The following EML4 variants were observed in gnomAD, a reference collection of about 807,000 sequenced individuals.
EML4 encodes echinoderm microtubule-associated protein-like 4.
EML4 carries 72 observed loss-of-function variants against 129.0 expected under a neutral mutation model. That is an observed-to-expected ratio of 0.56 (90% CI 0.46 to 0.68). EML4 has a LOEUF of 0.68. Among genes scored for constraint, EML4 ranks in the 30% least tolerant of loss-of-function variants. The pLI is 0.00. For synonymous variants in EML4, 532 were observed against 405.0 expected (o/e 1.31, Z -3.77); for missense variants, 1,363 against 1,190.6 (o/e 1.14, Z -2.13).
intron 1 of EML4, among the ~76,000 whole-genome samples, chr2:42,212,068 G>A (rs899729206): frequency 2.0e-5 from 3 of 151,948 alleles, no homozygotes; most frequent in Admixed American, 1.3e-4. Context: ...CTGGTCTTGA[G>A]CTCCTGACCT....
chr2:42,214,726 G>A (rs537495461), intron 1 of EML4, among the ~76,000 whole-genome samples: 4 of 152,246 alleles, frequency 2.6e-5, no homozygotes, highest in South Asian at 2.1e-4. Flanking sequence ...TGCGTTAGCC[G>A]GGATGGCTGG....
chr2:42,181,144 G>A (rs1181524865), intron 1 of EML4, among the ~76,000 whole-genome samples: 2 of 152,140 alleles, frequency 1.3e-5, no homozygotes, highest in Non-Finnish European at 2.9e-5. Context: ...TTTAGTAATT[G>A]CAAAATTATT....
At chr2:42,256,406 C>T in intron 2 of EML4, 95 bp from the exon 3 acceptor site, 2 of 1,250,160 alleles carry the variant, frequency 1.6e-6, no homozygotes, top group East Asian at 2.6e-5. Context: ...TTTTTTTCTA[C>T]CACCCCCTCC....
At chr2:42,198,494 C>T (rs62144749) in intron 1 of EML4, among the ~76,000 whole-genome samples, 4,815 of 152,144 alleles carry the variant, frequency 0.032, 98 homozygotes, top group Non-Finnish European at 0.048. Context: ...TGCTTGAGAC[C>T]AGGAGTTCAA....
chr2:42,261,597 G>T, intron 4 of EML4: 1 of 214,504 alleles, frequency 4.7e-6, no homozygotes, highest in Non-Finnish European at 9.2e-6. Context: ...CCACATTTTT[G>T]AATACTTTTA....
At chr2:42,237,553 C>G (rs1280956962) in intron 1 of EML4, among the ~76,000 whole-genome samples, 2 of 151,980 alleles carry the variant, frequency 1.3e-5, no homozygotes, top group African/African-American at 4.8e-5. Flanking sequence ...GTTTGGGGTG[C>G]CAACTCCCTC....
chr2:42,294,888 C>A (rs950588909), intron 11 of EML4, among the ~76,000 whole-genome samples: 2 of 152,104 alleles, frequency 1.3e-5, no homozygotes, highest in South Asian at 4.1e-4. Context: ...ATATAAGTGT[C>A]TTTCTAATGC....
intron 18 of EML4, 151 bp downstream of exon 18, chr2:42,316,201 T>C (rs1247013479): frequency 2.0e-6 from 1 of 493,142 alleles, no homozygotes; most frequent in Non-Finnish European, 3.6e-6. Flanking sequence ...AATTAAATTC[T>C]GCTGCCAGAA....
Position 42,261,221 on chromosome 2 carries a change from C to A in EML4, c.439C>A (p.Pro147Thr). 6.2e-7 allele frequency: 1 copy of A among 1,614,038 alleles called. No homozygotes were observed. The highest frequency in any genetic ancestry group is 8.5e-7 in the Non-Finnish European group (1 of 1,179,970). Residue 147 changes from proline (P) to threonine (T), a missense_variant, in exon 4 of 23, where the codon CCC becomes ACC. Pro to Thr is a conservative substitution (Grantham distance 38). Coordinates refer to ENST00000318522, the MANE Select transcript of EML4 (RefSeq NM_019063.5). ...TCCACAAATTCGAGCATCACCTTCT[C>A]CCCAGCCCTCTTCACAACCTCTCCA... is the stretch of plus-strand genomic sequence containing the variant. Reference protein sequence around the residue: ...QSPQIRASPSPQPSSQPLQIH... With the variant: ...QSPQIRASPSTQPSSQPLQIH...
chr2:42,286,420 A>G (rs770495221), intron 10 of EML4, 41 bp downstream of exon 10: 10 of 1,220,328 alleles, frequency 8.2e-6, no homozygotes, highest in Non-Finnish European at 1.1e-5. Flanking sequence ...GCTGAACAAA[A>G]AAGCAGGAAA....
rs769066378 is a variant in EML4 at position 42,331,775 on chromosome 2, T to C, written c.*1568T>C. ...CTCCCAAGGACATTTACAACATTTA[T>C]ATTCACACGCTGTATGGAAGGGTGT... On this transcript the variant is annotated 3_prime_UTR_variant, in exon 23 of 23. Transcript: ENST00000318522. The C allele has an allele frequency of 4.1e-5, 9 of 221,412 alleles. No individual in the cohort carries two copies. Among genetic ancestry groups the C allele is most frequent in the Non-Finnish European group, 8.2e-5 (9 of 110,396 alleles). 13.7% of individuals were successfully genotyped at this position (221,412 alleles called of 1,614,324 possible).
At chr2:42,226,375 A>G (rs1234973312) in intron 1 of EML4, among the ~76,000 whole-genome samples, 5 of 152,032 alleles carry the variant, frequency 3.3e-5, no homozygotes, top group Admixed American at 3.3e-4. Flanking sequence ...AAAATAAATT[A>G]TGGGCCGGGC....
At chr2:42,237,186 C>T (rs1307568051) in intron 1 of EML4, among the ~76,000 whole-genome samples, 3 of 152,230 alleles carry the variant, frequency 2.0e-5, no homozygotes, top group Non-Finnish European at 4.4e-5. Context: ...CCTCCTCCCT[C>T]GGCCTCCTAA....
chr2:42,317,608 T>A, intron 19 of EML4, 84 bp downstream of exon 19: 1 of 873,636 alleles, frequency 1.1e-6, no homozygotes, highest in Non-Finnish European at 1.8e-6. Context: ...GATGTGTGTG[T>A]TGTTTCCTGT....
intron 19 of EML4, 97 bp from the exon 20 acceptor site, chr2:42,325,370 A>G (rs1669730456): frequency 1.6e-6 from 1 of 624,380 alleles, no homozygotes; most frequent in Non-Finnish European, 3.0e-6. Flanking sequence ...TAGAAATTCC[A>G]ACAAATGTGT....
At position 42,301,307 on chromosome 2, in the gene EML4, G is replaced by C. The variant is rs762535571; in HGVS notation, c.1556G>C (p.Arg519Thr). Residue 519 changes from arginine to threonine, a missense_variant, in exon 14 of 23, where the codon AGA (arginine) becomes ACA (threonine). Arg to Thr is a moderately conservative substitution (Grantham distance 71). Transcript: ENST00000318522. ...AGTGTGTTCACACTTTGTCAGATGAGAAATGGGATGTTATTAACTGGAGGA... is the reference window on the plus strand; with the variant it reads ...AGTGTGTTCACACTTTGTCAGATGACAAATGGGATGTTATTAACTGGAGGA... ...DGSVFTLCQM[R>T]NGMLLTGGGK... 25 of 1,613,210 alleles carry C rather than the reference G, an allele frequency of 1.5e-5. No individual in the cohort carries two copies. Among genetic ancestry groups the C allele is most frequent in the Non-Finnish European group, 2.0e-5 (24 of 1,179,624 alleles).
intron 1 of EML4, among the ~76,000 whole-genome samples, chr2:42,199,288 TAAG>T (rs1458971468): frequency 1.3e-5 from 2 of 152,130 alleles, no homozygotes; most frequent in Non-Finnish European, 2.9e-5. Flanking sequence ...CTTCACTCCT[TAAG>T]GAGGAGAGCA....
chr2:42,289,612 C>T (rs1667510175), intron 11 of EML4: 2 of 152,150 alleles, frequency 1.3e-5, no homozygotes, highest in Admixed American at 1.3e-4. Context: ...GTGATTGACT[C>T]CGCATTTCAC....
At chr2:42,201,843 A>G (rs1391574076) in intron 1 of EML4, among the ~76,000 whole-genome samples, 1 of 152,192 alleles carries the variant, frequency 6.6e-6, no homozygotes, top group African/African-American at 2.4e-5. Context: ...GCACTTTAGG[A>G]GGCTGAGGTA....
Sources: gnomAD v4.1 joint callset for allele counts (sites outside exome capture counted in the v4.1 genomes callset) on GRCh38, gnomAD v4.1.1 for gene constraint, MANE v1.5 for transcripts, NCBI Gene and HGNC (gene_info 2026-07-23, HGNC 2026-07-21) for gene names.